The following ACACA variants were observed in gnomAD, a reference collection of about 807,000 sequenced individuals.
The protein encoded by ACACA is acetyl-CoA carboxylase alpha.
In ACACA, 103 loss-of-function variants were observed where a neutral mutation model predicts 296.1. The observed-to-expected ratio is 0.35, with a 90% CI of 0.30 to 0.41. ACACA has a LOEUF of 0.41. Among genes scored for constraint, ACACA ranks in the 10% least tolerant of loss-of-function variants. The pLI is 1.00. For missense variants in ACACA, 1,554 were observed against 2,989.7 expected, an observed-to-expected ratio of 0.52 and a Z score of 11.20; for synonymous variants, 953 against 1,038.6, an observed-to-expected ratio of 0.92 and a Z score of 1.58.
intron 11 of ACACA, 137 bp from the exon 12 acceptor site, chr17:37,259,667 G>A: frequency 2.2e-6 from 2 of 892,364 alleles, no homozygotes; most frequent in Non-Finnish European, 3.7e-6. Flanking sequence ...GCACATTTCT[G>A]ATTATTATAC....
chr17:37,241,566 G>T (rs990421685), intron 23 of ACACA, among the ~76,000 whole-genome samples: 1 of 152,096 alleles, frequency 6.6e-6, no homozygotes, highest in Non-Finnish European at 1.5e-5. Context: ...TTAGCTGGAT[G>T]TGGTGGTGCA....
rs146371757 is a variant in ACACA at position 37,179,371 on chromosome 17, T to C, written c.4968A>G (p.Gln1656=). The C allele has an allele frequency of 1.5e-4, 238 of 1,614,152 alleles. No individual in the cohort carries two copies. In the Middle Eastern group the frequency reaches 3.0e-3, roughly 20 times the overall value. The change falls in exon 41 of 56, where the codon CAA becomes CAG. Residue 1656 remains glutamine, a synonymous_variant. Coordinates refer to ENST00000616317, the MANE Select transcript of ACACA (RefSeq NM_198834.3). ...GCAGAGGGGGAGATGGAAGAAATGC[T>C]TGAGTGGACATAGACTCCCAGAGTT... The part of the protein sequence containing the change: ...LIKLWESMST[Q]AFLPSPPLPS...
chr17:37,272,382 C>T (rs1257069271), intron 9 of ACACA, among the ~76,000 whole-genome samples: 2 of 152,088 alleles, frequency 1.3e-5, no homozygotes, highest in African/African-American at 2.4e-5. Flanking sequence ...AGAAAAAGAA[C>T]ATTTCAATTT....
chr17:37,100,520 A>T (rs1406678585), intron 52 of ACACA, among the ~76,000 whole-genome samples: 1 of 152,160 alleles, frequency 6.6e-6, no homozygotes, highest in Non-Finnish European at 1.5e-5. Flanking sequence ...CAAAAATGTG[A>T]AAAACATGAA....
chr17:37,235,169 T>C lies in ACACA; in HGVS notation c.3122-70A>G, dbSNP rs142925034. On this transcript the variant is annotated intron_variant, in intron 24 of 55. Coordinates refer to ENST00000616317, the MANE Select transcript of ACACA (RefSeq NM_198834.3). ...TCACATTTACATGCTATTTGTTTTG[T>C]ACTGTCTATAATTTATGAGACGAGC... 36 of 1,573,140 alleles carry C rather than the reference T, an allele frequency of 2.3e-5. No homozygotes were observed. In the African/African-American group the frequency reaches 3.5e-4, roughly 15 times the overall value.
intron 47 of ACACA, among the ~76,000 whole-genome samples, chr17:37,128,658 G>A (rs1474260287): frequency 6.6e-6 from 1 of 152,220 alleles, no homozygotes; most frequent in African/African-American, 2.4e-5. Context: ...ACTGACAAAT[G>A]AGAATGTACA....
intron 39 of ACACA, 91 bp downstream of exon 39, chr17:37,188,186 G>T: frequency 1.6e-6 from 2 of 1,251,174 alleles, no homozygotes; most frequent in Non-Finnish European, 2.3e-6. Context: ...GAACCAATGG[G>T]ATTTGTGAGT....
intron 6 of ACACA, 122 bp from the exon 7 acceptor site, chr17:37,277,236 C>CT (rs1242599299): frequency 4.9e-6 from 4 of 815,636 alleles, no homozygotes; most frequent in Non-Finnish European, 8.4e-6. Flanking sequence ...CAGCCTAATG[C>CT]TTAATTCAGC....
chr17:37,275,060 A>G (rs1161776943), intron 8 of ACACA, among the ~76,000 whole-genome samples: 1 of 152,224 alleles, frequency 6.6e-6, no homozygotes, highest in Non-Finnish European at 1.5e-5. Context: ...TTGAGAATAA[A>G]TCACTTTTTG....
At chr17:37,226,792 A>C (rs1006426066) in intron 25 of ACACA, among the ~76,000 whole-genome samples, 1 of 152,218 alleles carries the variant, frequency 6.6e-6, no homozygotes, top group African/African-American at 2.4e-5. Flanking sequence ...CAAAGTTTTA[A>C]GAGAAAGTTT....
At chr17:37,111,504 A>G in intron 52 of ACACA, 27 bp downstream of exon 52, 1 of 1,561,998 alleles carries the variant, frequency 6.4e-7, no homozygotes, top group Non-Finnish European at 8.8e-7. Context: ...TGGCTCATTG[A>G]TTTGCCAGAA....
In ACACA at chr17:37,275,928, A is replaced by G. The variant is rs766997049; in HGVS notation, c.901+23T>C. 4.4e-6 allele frequency: 7 copies of G among 1,593,770 alleles called. No homozygotes were observed. The African/African-American group carries it at 9.4e-5, about 21-fold the overall frequency. ...ACTGAGCTATTCTGTACTTCAAGAT[A>G]CAAACAAGAATTCAGTTCTTACCAC... On this transcript the variant is annotated intron_variant, in intron 8 of 55. Transcript: ENST00000616317.
At chr17:37,196,059 G>A (rs937832640) in intron 35 of ACACA, among the ~76,000 whole-genome samples, 1 of 151,844 alleles carries the variant, frequency 6.6e-6, no homozygotes, top group South Asian at 2.1e-4. Context: ...AAGACACCCC[G>A]CAAATCAGAG....
In ACACA at chr17:37,085,998, CTAG is replaced by C; in HGVS notation, c.*1315_*1317del. The C allele has an allele frequency of 2.5e-6, 1 of 394,166 alleles. No homozygotes were observed. The allele number at this position is 394,166 out of a possible 1,614,324, so 24.4% of individuals were successfully genotyped here. ...TCAGTAAGTTCTTTTCTTGAATAAA[CTAG>C]TTGTTGAAAGTAAACTCTCTCCACC... On this transcript the variant is annotated 3_prime_UTR_variant, in exon 56 of 56. Coordinates refer to ENST00000616317, the MANE Select transcript of ACACA (RefSeq NM_198834.3).
In ACACA at chr17:37,246,473, G is replaced by A. The variant is rs1424589391; in HGVS notation, c.2460+353C>T. Among the ~76,000 whole-genome samples the A allele has an allele frequency of 3.3e-5, 5 of 151,620 alleles. No individual in the cohort carries two copies. In the East Asian group the frequency reaches 7.8e-4, roughly 24 times the overall value. ...TGATTTGTGACGCAGGCCACAAATT[G>A]TACCACTCCAGTACAGTGGTACAAT... On this transcript the variant is annotated intron_variant, in intron 19 of 55. Coordinates refer to ENST00000616317, the MANE Select transcript of ACACA (RefSeq NM_198834.3).
intron 28 of ACACA, among the ~76,000 whole-genome samples, chr17:37,222,193 G>T (rs545021737): frequency 2.6e-5 from 4 of 152,280 alleles, no homozygotes; most frequent in Admixed American, 2.0e-4. Flanking sequence ...CATTTCAACA[G>T]AAGATTAAGC....
At chr17:37,367,531 A>C (rs2049651663) in intron 1 of ACACA, 1 of 152,112 alleles carries the variant, frequency 6.6e-6, no homozygotes, top group Admixed American at 6.6e-5. Flanking sequence ...CACCTTTCTG[A>C]GCCTCAGTTT....
chr17:37,297,446 GAAA>G (rs34538373), intron 3 of ACACA, among the ~76,000 whole-genome samples: 4 of 116,584 alleles, frequency 3.4e-5, no homozygotes, highest in African/African-American at 8.6e-5. Context: ...TGTCTCGAAA[GAAA>G]AAAAAAAAAA....
At chr17:37,127,213 T>C (rs2143271779) in intron 47 of ACACA, among the ~76,000 whole-genome samples, 1 of 152,360 alleles carries the variant, frequency 6.6e-6, no homozygotes, top group South Asian at 2.1e-4. Context: ...CAAATTTTGG[T>C]GAAGTTTCTA....
Sources: allele counts gnomAD v4.1 joint callset (sites outside exome capture counted in the v4.1 genomes callset), GRCh38; gene constraint gnomAD v4.1.1; transcripts MANE v1.5; gene names NCBI Gene and HGNC (gene_info 2026-07-23, HGNC 2026-07-21).